SMG6: variants seen among roughly 807,000 people sequenced by gnomAD.
SMG6 encodes the protein telomerase-binding protein EST1A.
In SMG6, 66 loss-of-function variants were observed where a neutral mutation model predicts 142.2. That is an observed-to-expected ratio of 0.46 (90% CI 0.38 to 0.57). SMG6 has a LOEUF of 0.57. Ranked by LOEUF, SMG6 falls within the 20% of genes least tolerant of loss-of-function variation. SMG6 has a pLI of 0.00. For synonymous variants in SMG6, 779 were observed against 702.4 expected (o/e 1.11, Z -1.72); for missense variants, 1,793 against 1,832.0 (o/e 0.98, Z 0.39).
At chr17:2,186,928 G>C in intron 11 of SMG6, 97 bp from the exon 12 acceptor site, 1 of 1,324,552 alleles carries the variant, frequency 7.5e-7, no homozygotes, top group Non-Finnish European at 1.0e-6. Flanking sequence ...AGGGAAGGGA[G>C]ACCAAGTCCA....
intron 8 of SMG6, among the ~76,000 whole-genome samples, chr17:2,267,536 T>C (rs891190132): frequency 4.6e-5 from 7 of 151,948 alleles, no homozygotes; most frequent in Admixed American, 2.6e-4. Context: ...GGCCAAAAAA[T>C]TAAGCTGGCT....
intron 15 of SMG6, among the ~76,000 whole-genome samples, chr17:2,077,150 T>C (rs2068282475): frequency 6.6e-6 from 1 of 152,148 alleles, no homozygotes; most frequent in South Asian, 2.1e-4. Context: ...CACTGTACAC[T>C]CTGGAATGTG....
Position 2,186,689 on chromosome 17 carries a change from A to G in SMG6, c.3129T>C (p.Pro1043=). 6.2e-7 allele frequency: 1 copy of G among 1,614,180 alleles called. No individual in the cohort carries two copies. The highest frequency in any genetic ancestry group is 8.5e-7 in the Non-Finnish European group (1 of 1,180,008). ...GCGAGGGCAGATCCAGGGATGTGGG[A>G]GGAGGATTCCAGGTGTCCGGGTAGC... ...MLGYPDTWNP[P]PTSLDLPSHV... Residue 1043 remains proline, a synonymous_variant, in exon 12 of 19, where the codon CCT becomes CCC. Coordinates refer to ENST00000263073, the MANE Select transcript of SMG6 (RefSeq NM_017575.5).
intron 13 of SMG6, among the ~76,000 whole-genome samples, chr17:2,108,927 A>G (rs906159552): frequency 2.6e-5 from 4 of 152,236 alleles, no homozygotes; most frequent in Non-Finnish European, 2.9e-5. Flanking sequence ...CCTGGGCGAC[A>G]GAGCAAAAAA....
intron 10 of SMG6, among the ~76,000 whole-genome samples, chr17:2,204,684 C>A (rs995473489): frequency 6.6e-6 from 1 of 152,196 alleles, no homozygotes; most frequent in African/African-American, 2.4e-5. Flanking sequence ...ATGCTTCCAG[C>A]TGGGCATGGT....
intron 10 of SMG6, among the ~76,000 whole-genome samples, chr17:2,224,316 G>A (rs1567697022): frequency 6.6e-6 from 1 of 152,136 alleles, no homozygotes; most frequent in Non-Finnish European, 1.5e-5. Context: ...AGATTATGGA[G>A]TCTCTAAAAT....
rs140676364 is a variant in SMG6 at position 2,299,505 on chromosome 17, G to A, written c.1248C>T (p.Thr416=). 1.2e-5 allele frequency: 19 copies of A among 1,614,052 alleles called. No individual in the cohort carries two copies. Among genetic ancestry groups the A allele is most frequent in the Admixed American group, 1.7e-5 (1 of 60,016 alleles). ...RGILILPAHT[T]LSVNSAGSPE... The stretch of plus-strand genomic sequence containing the variant: ...GAGAACCTGCTGAATTGACAGATAG[G>A]GTGGTATGGGCAGGCAAAATCAGAA... Residue 416 remains threonine, a synonymous_variant, in exon 2 of 19, where the codon ACC becomes ACT. Transcript: ENST00000263073. The surrounding 1 kb of genome is among the most constrained non-coding windows in gnomAD (Gnocchi z 4.3).
intron 8 of SMG6, among the ~76,000 whole-genome samples, chr17:2,271,836 A>G (rs2074548323): frequency 1.3e-5 from 2 of 152,248 alleles, no homozygotes. Flanking sequence ...ACAGAGAGAC[A>G]CTAGCATGTT....
chr17:2,198,077 C>T (rs1045979784), intron 10 of SMG6, among the ~76,000 whole-genome samples: 1 of 152,124 alleles, frequency 6.6e-6, no homozygotes, highest in Non-Finnish European at 1.5e-5. Context: ...CTAGAAACAA[C>T]CCAAATGTCT....
At chr17:2,142,474 C>CT (rs1567631994) in intron 13 of SMG6, among the ~76,000 whole-genome samples, 1 of 151,538 alleles carries the variant, frequency 6.6e-6, no homozygotes, top group Non-Finnish European at 1.5e-5. Context: ...GTGAGACCCT[C>CT]TCTGTCTGTC....
intron 13 of SMG6, among the ~76,000 whole-genome samples, chr17:2,099,887 G>T (rs1021867682): frequency 6.6e-5 from 10 of 152,236 alleles, no homozygotes; most frequent in Non-Finnish European, 1.2e-4. Flanking sequence ...TCTGGAGACT[G>T]GGTCTCACTC....
chr17:2,088,532 T>C (rs1236780598), intron 13 of SMG6: 8 of 985,332 alleles, frequency 8.1e-6, no homozygotes, highest in Non-Finnish European at 9.6e-6. Context: ...TGCTGGCTGA[T>C]ATGCAAAAGG....
At chr17:2,273,149 G>A (rs2074575138) in intron 8 of SMG6, among the ~76,000 whole-genome samples, 1 of 152,180 alleles carries the variant, frequency 6.6e-6, no homozygotes, top group Admixed American at 6.5e-5. Flanking sequence ...CTGTTAGGCA[G>A]TGAGCTCTCT....
chr17:2,273,819 C>T (rs2074592287), intron 8 of SMG6, among the ~76,000 whole-genome samples: 1 of 151,496 alleles, frequency 6.6e-6, no homozygotes, highest in Admixed American at 6.6e-5. Context: ...CCAAAAAAAG[C>T]AAGGTTATAT....
intron 13 of SMG6, chr17:2,087,507 G>C (rs1462160186): frequency 2.2e-5 from 23 of 1,044,146 alleles, no homozygotes; most frequent in Non-Finnish European, 2.7e-5. Flanking sequence ...CTCAAGCTAA[G>C]TACTTTGACC....
chr17:2,281,053 T>C (rs879361027), intron 8 of SMG6, among the ~76,000 whole-genome samples: 1 of 152,300 alleles, frequency 6.6e-6, no homozygotes, highest in Admixed American at 6.5e-5. Flanking sequence ...GACCCTGTTT[T>C]TGATTGTATT....
chr17:2,096,248 G>A, intron 13 of SMG6, among the ~76,000 whole-genome samples: 1 of 152,084 alleles, frequency 6.6e-6, no homozygotes, highest in Non-Finnish European at 1.5e-5. Context: ...GTATCGCCCA[G>A]GCTGGAGTGC....
chr17:2,129,693 C>T (rs1287787942), intron 13 of SMG6, among the ~76,000 whole-genome samples: 1 of 144,536 alleles, frequency 6.9e-6, no homozygotes, highest in African/African-American at 2.5e-5. Flanking sequence ...ACTCGGCAGG[C>T]TGAGACAGGA....
intron 6 of SMG6, among the ~76,000 whole-genome samples, chr17:2,290,790 T>C (rs1190113677): frequency 2.0e-5 from 3 of 151,964 alleles, no homozygotes; most frequent in Non-Finnish European, 4.4e-5. Flanking sequence ...AAAAAAGTAG[T>C]GGGGGGGCCA....
Sources: gnomAD v4.1 joint callset for allele counts (sites outside exome capture counted in the v4.1 genomes callset) on GRCh38, gnomAD v4.1.1 for gene constraint, Gnocchi (gnomAD v3.1) non-coding constraint, MANE v1.5 for transcripts, NCBI Gene and HGNC (gene_info 2026-07-23, HGNC 2026-07-21) for gene names.